CSMD1: variants seen among roughly 807,000 people sequenced by gnomAD.
CSMD1 encodes CUB and sushi domain-containing protein 1.
In CSMD1, 213 loss-of-function variants were observed where a neutral mutation model predicts 417.5. The observed-to-expected ratio is 0.51, with a 90% CI of 0.46 to 0.57. The LOEUF (loss-of-function observed/expected upper bound fraction) is 0.57. CSMD1 is among the 20% of genes least tolerant of loss of function. CSMD1 has a pLI of 0.00. For synonymous variants in CSMD1, 2,862 were observed against 1,736.8 expected, an observed-to-expected ratio of 1.65 and a Z score of -16.11; for missense variants, 6,923 against 4,529.7, an observed-to-expected ratio of 1.53 and a Z score of -15.17.
chr8:3,281,401 G>A (rs1040313870), intron 26 of CSMD1, among the ~76,000 whole-genome samples: 1 of 152,112 alleles, frequency 6.6e-6, no homozygotes. Flanking sequence ...CCAAGATCAT[G>A]CCACTGCACT....
intron 2 of CSMD1, among the ~76,000 whole-genome samples, chr8:4,495,503 A>AG (rs1293416896): frequency 6.6e-6 from 1 of 152,078 alleles, no homozygotes; most frequent in Non-Finnish European, 1.5e-5. Flanking sequence ...TGAACTCAGG[A>AG]GGCAGAAGTT....
intron 1 of CSMD1, among the ~76,000 whole-genome samples, chr8:4,639,426 A>G (rs971496728): frequency 2.6e-5 from 4 of 152,076 alleles, no homozygotes; most frequent in African/African-American, 9.7e-5. Context: ...AAATATTACT[A>G]TCCTGTAAGG....
intron 55 of CSMD1, among the ~76,000 whole-genome samples, chr8:2,976,407 G>A (rs1207608902): frequency 2.0e-5 from 3 of 152,158 alleles, no homozygotes; most frequent in Non-Finnish European, 4.4e-5. Flanking sequence ...TTGCTGGCCA[G>A]CCTGGAGTGC....
intron 3 of CSMD1, among the ~76,000 whole-genome samples, chr8:4,243,836 G>A (rs562676420): frequency 6.6e-6 from 1 of 152,246 alleles, no homozygotes; most frequent in South Asian, 2.1e-4. Context: ...AGATGTATAA[G>A]AAAACAGAGT....
intron 10 of CSMD1, among the ~76,000 whole-genome samples, chr8:3,520,996 C>G (rs547914333): frequency 6.6e-6 from 1 of 152,028 alleles, no homozygotes; most frequent in Non-Finnish European, 1.5e-5. Flanking sequence ...AAGTCAAAGC[C>G]CTCTCTGGAG....
chr8:3,840,693 A>ATTTT (rs34360211), intron 5 of CSMD1, among the ~76,000 whole-genome samples: 27 of 134,814 alleles, frequency 2.0e-4, no homozygotes, highest in African/African-American at 7.2e-4. Flanking sequence ...CTTTTTTTTA[A>ATTTT]TTTTTTTTTT....
intron 25 of CSMD1, among the ~76,000 whole-genome samples, chr8:3,306,346 G>C (rs1804844601): frequency 6.6e-6 from 1 of 152,178 alleles, no homozygotes; most frequent in Non-Finnish European, 1.5e-5. Context: ...GATGCTTTTT[G>C]TATTTTTAGT....
chr8:3,695,666 A>C (rs906524048), intron 7 of CSMD1, among the ~76,000 whole-genome samples: 2 of 152,212 alleles, frequency 1.3e-5, no homozygotes, highest in African/African-American at 4.8e-5. Flanking sequence ...ATTAAAAATA[A>C]TGATTAGAAA....
intron 3 of CSMD1, among the ~76,000 whole-genome samples, chr8:4,268,249 C>T (rs948126527): frequency 2.0e-5 from 3 of 152,108 alleles, no homozygotes; most frequent in African/African-American, 7.2e-5. Flanking sequence ...CAAAAGATGG[C>T]ATTCAAATAC....
At position 4,088,474 on chromosome 8, in the gene CSMD1, C is replaced by G. The variant is rs1163596007; in HGVS notation, c.416-56375G>C. 3.9e-5 allele frequency among the ~76,000 whole-genome samples: 6 copies of G among 152,240 alleles called. No homozygotes were observed. The South Asian group carries it at 8.3e-4, about 21-fold the overall frequency. On this transcript the variant is annotated intron_variant, in intron 3 of 69. Transcript: ENST00000635120. ...TCTCTCTATCCATTCCCCAACATCTCTCTTCACTGGTTATCCATCTTCTTC... is the reference window on the plus strand; with the variant it reads ...TCTCTCTATCCATTCCCCAACATCTGTCTTCACTGGTTATCCATCTTCTTC...
chr8:3,106,699 G>A lies in CSMD1; in HGVS notation c.6836-58C>T, dbSNP rs987684731. The A allele has an allele frequency of 2.0e-5, 19 of 969,464 alleles. No individual in the cohort carries two copies. The African/African-American group carries it at 2.9e-4, about 15-fold the overall frequency. The allele number at this position is 969,464 out of a possible 1,614,324, so 60.1% of individuals were successfully genotyped here. On this transcript the variant is annotated intron_variant, in intron 45 of 69. Coordinates refer to ENST00000635120, the MANE Select transcript of CSMD1 (RefSeq NM_033225.6). ...GTGTGTGACCTTCTGAGTGTGTGAA[G>A]GTGTGACACATGTAGGACTACTTAA...
chr8:4,043,548 T>G (rs888609921), intron 3 of CSMD1, among the ~76,000 whole-genome samples: 1 of 152,058 alleles, frequency 6.6e-6, no homozygotes, highest in Admixed American at 6.6e-5. Flanking sequence ...AAAAGACAAA[T>G]AGCTTTATGT....
intron 49 of CSMD1, among the ~76,000 whole-genome samples, chr8:3,086,259 T>C (rs1477616881): frequency 6.6e-6 from 1 of 152,354 alleles, no homozygotes; most frequent in East Asian, 1.9e-4. Context: ...TCTATGTTTA[T>C]TTTACATTAA....
chr8:4,035,805 T>G (rs1223980239), intron 3 of CSMD1, among the ~76,000 whole-genome samples: 1 of 152,058 alleles, frequency 6.6e-6, no homozygotes, highest in Non-Finnish European at 1.5e-5. Context: ...AAGAAAAATG[T>G]GTTTTTATAC....
At chr8:3,308,977 G>C (rs996367950) in intron 23 of CSMD1, among the ~76,000 whole-genome samples, 1 of 152,064 alleles carries the variant, frequency 6.6e-6, no homozygotes, top group Admixed American at 6.6e-5. Context: ...CACCCCCTCA[G>C]CCTCCCAAAG....
At chr8:3,917,159 G>T (rs1323989532) in intron 5 of CSMD1, among the ~76,000 whole-genome samples, 5 of 152,140 alleles carry the variant, frequency 3.3e-5, no homozygotes, top group Non-Finnish European at 5.9e-5. Flanking sequence ...CTGCACAGAG[G>T]AATAACGATT....
chr8:4,986,146 C>A (rs1362249239), intron 1 of CSMD1, among the ~76,000 whole-genome samples: 1 of 152,148 alleles, frequency 6.6e-6, no homozygotes, highest in African/African-American at 2.4e-5. Flanking sequence ...AAGGCCCATC[C>A]TTTGAGATAA....
At chr8:4,043,516 T>G (rs28565085) in intron 3 of CSMD1, among the ~76,000 whole-genome samples, 1 of 151,908 alleles carries the variant, frequency 6.6e-6, no homozygotes, top group African/African-American at 2.4e-5. Context: ...AACAGACAAA[T>G]AGATAACAGT....
chr8:3,556,127 C>T (rs1799130334), intron 10 of CSMD1, among the ~76,000 whole-genome samples: 1 of 151,952 alleles, frequency 6.6e-6, no homozygotes, highest in African/African-American at 2.4e-5. Context: ...CCCAGCAGCA[C>T]AAAACAGAGG....
Sources: allele counts gnomAD v4.1 joint callset (sites outside exome capture counted in the v4.1 genomes callset), GRCh38; gene constraint gnomAD v4.1.1; transcripts MANE v1.5; gene names NCBI Gene and HGNC (gene_info 2026-07-23, HGNC 2026-07-21).